The following PRTG variants were observed in gnomAD, a reference collection of about 807,000 sequenced individuals.
The protein encoded by PRTG is immunoglobulin superfamily, DCC subclass, member 5.
In PRTG, 67 loss-of-function variants were observed where a neutral mutation model predicts 122.5. The observed-to-expected ratio is 0.55, with a 90% CI of 0.45 to 0.67. The LOEUF (loss-of-function observed/expected upper bound fraction) is 0.67. Among genes scored for constraint, PRTG ranks in the 30% least tolerant of loss-of-function variants. The pLI, the probability that PRTG is intolerant of heterozygous loss-of-function variation, is 0.00. For missense variants in PRTG, 1,435 were observed against 1,415.4 expected, an observed-to-expected ratio of 1.01 and a Z score of -0.22; for synonymous variants, 554 against 501.1, an observed-to-expected ratio of 1.11 and a Z score of -1.41.
intron 2 of PRTG, among the ~76,000 whole-genome samples, chr15:55,739,368 G>A (rs1463426976): frequency 6.6e-6 from 1 of 151,476 alleles, no homozygotes; most frequent in African/African-American, 2.4e-5. Context: ...CTCAATAGCT[G>A]GGATTACAGG....
intron 2 of PRTG, among the ~76,000 whole-genome samples, chr15:55,699,113 ATAT>A (rs1477879380): frequency 6.6e-6 from 1 of 152,100 alleles, no homozygotes; most frequent in African/African-American, 2.4e-5. Flanking sequence ...GAGCTAATAG[ATAT>A]TATTTCTCTA....
chr15:55,646,271 C>G (rs933529553), intron 11 of PRTG, among the ~76,000 whole-genome samples: 4 of 151,096 alleles, frequency 2.6e-5, no homozygotes, highest in Admixed American at 2.0e-4. Flanking sequence ...CTTGGCCTCC[C>G]AAAGTGCCCG....
rs1355758005 is a variant in PRTG, at chr15:55,612,703, T to C, written c.*7309A>G. 1 of 5,430 alleles carries C rather than the reference T, an allele frequency of 1.8e-4. No homozygotes were observed. Among genetic ancestry groups the C allele is most frequent in the African/African-American group, 2.3e-4 (1 of 4,264 alleles). 0.3% of individuals were successfully genotyped at this position (5,430 alleles called of 1,614,324 possible). A position where few individuals can be genotyped will look rare whatever the true frequency, so the allele number is the denominator to read the frequency against. ...CTTTAACTCTTTAAAAGCCAATATATATATATATATATATATATATATATA... is the reference window on the plus strand; with the variant it reads ...CTTTAACTCTTTAAAAGCCAATATACATATATATATATATATATATATATA... On this transcript the variant is annotated 3_prime_UTR_variant, in exon 20 of 20. Transcript: ENST00000389286.
intron 2 of PRTG, among the ~76,000 whole-genome samples, chr15:55,714,955 AT>A (rs2030545230): frequency 6.6e-6 from 1 of 152,218 alleles, no homozygotes; most frequent in Non-Finnish European, 1.5e-5. Context: ...AGCTTTACAC[AT>A]ATACAGATAA....
chr15:55,680,436 A>C, intron 5 of PRTG, 55 bp downstream of exon 5: 1 of 1,499,152 alleles, frequency 6.7e-7, no homozygotes. Context: ...AAATTTCATT[A>C]GAATGAACAA....
intron 1 of PRTG, 105 bp downstream of exon 1, chr15:55,742,733 C>T (rs1317797385): frequency 4.3e-6 from 6 of 1,401,206 alleles, no homozygotes; most frequent in Non-Finnish European, 5.9e-6. Context: ...CCACGGAGGA[C>T]CCCGCCGCGC....
chr15:55,673,086 C>G (rs1025084631), intron 10 of PRTG, among the ~76,000 whole-genome samples: 1 of 152,058 alleles, frequency 6.6e-6, no homozygotes, highest in Admixed American at 6.6e-5. Context: ...TTAATTAGGC[C>G]TCTATGAATA....
At chr15:55,635,104 T>TGTGTG (rs773250114) in intron 15 of PRTG, among the ~76,000 whole-genome samples, 6 of 112,636 alleles carry the variant, frequency 5.3e-5, no homozygotes, top group African/African-American at 9.1e-5. Context: ...TGTGTGTGTG[T>TGTGTG]TTTTTGAGAC....
chr15:55,738,789 G>A (rs1198883194), intron 2 of PRTG: 1 of 232,918 alleles, frequency 4.3e-6, no homozygotes, highest in Admixed American at 5.8e-5. Context: ...GAGGGAGGGG[G>A]AGGAAGGTAG....
intron 2 of PRTG, among the ~76,000 whole-genome samples, chr15:55,716,849 A>G (rs1245275282): frequency 6.6e-6 from 1 of 151,714 alleles, no homozygotes; most frequent in East Asian, 1.9e-4. Context: ...GTATGTACAT[A>G]TATATATGTA....
chr15:55,739,063 T>A (rs1437095799), intron 2 of PRTG, among the ~76,000 whole-genome samples: 1 of 152,118 alleles, frequency 6.6e-6, no homozygotes, highest in African/African-American at 2.4e-5. Flanking sequence ...GATTTTCTGA[T>A]GTATCAATAT....
chr15:55,716,889 A>G (rs1271504150), intron 2 of PRTG, among the ~76,000 whole-genome samples: 6 of 152,194 alleles, frequency 3.9e-5, no homozygotes, highest in African/African-American at 7.2e-5. Flanking sequence ...CAAGCTTGAT[A>G]ATGCCTAAAA....
At position 55,627,084 on chromosome 15, in the gene PRTG, T is replaced by C. The variant is rs1186701557; in HGVS notation, c.2851A>G (p.Ile951Val). The change falls in exon 17 of 20, where the codon ATT becomes GTT. Residue 951 changes from isoleucine to valine, a missense_variant. Coordinates refer to ENST00000389286, the MANE Select transcript of PRTG (RefSeq NM_173814.6). Reference protein sequence around the residue: ...YHLDQKSMTGIAVGVGIALTC... With the variant: ...YHLDQKSMTGVAVGVGIALTC... ...AAGGCTATGCCAACACCTACAGCAA[T>C]GCCAGTCATTGATTTTTGGTCCAGA... 1 of 1,609,240 alleles carries C rather than the reference T, an allele frequency of 6.2e-7. No individual in the cohort carries two copies.
At chr15:55,635,192 A>G (rs2059251187) in intron 15 of PRTG, among the ~76,000 whole-genome samples, 1 of 152,020 alleles carries the variant, frequency 6.6e-6, no homozygotes, top group East Asian at 1.9e-4. Flanking sequence ...CCCTGGTTCA[A>G]GCAATTCTCC....
At chr15:55,736,519 C>A (rs1377807324) in intron 2 of PRTG, among the ~76,000 whole-genome samples, 3 of 152,014 alleles carry the variant, frequency 2.0e-5, no homozygotes, top group African/African-American at 7.2e-5. Flanking sequence ...ATGAATCCCA[C>A]ATAAACCCTC....
intron 10 of PRTG, among the ~76,000 whole-genome samples, chr15:55,672,887 G>A (rs1450527876): frequency 2.0e-5 from 3 of 151,700 alleles, no homozygotes; most frequent in East Asian, 3.9e-4. Context: ...TTTTTTCAAA[G>A]AGGCAATAAA....
intron 8 of PRTG, among the ~76,000 whole-genome samples, chr15:55,676,431 A>C (rs534136242): frequency 1.3e-5 from 2 of 152,296 alleles, no homozygotes; most frequent in Admixed American, 1.3e-4. Context: ...CTAACAATTC[A>C]CAGTAAACGC....
chr15:55,664,270 T>C (rs1042339788), intron 11 of PRTG, among the ~76,000 whole-genome samples: 2 of 152,080 alleles, frequency 1.3e-5, no homozygotes, highest in African/African-American at 2.4e-5. Flanking sequence ...GCCTTCCATA[T>C]AGCTGGGATT....
In PRTG at chr15:55,616,783, A is replaced by G; in HGVS notation, c.*3229T>C. The G allele has an allele frequency of 6.6e-6, 1 of 152,166 alleles. No homozygotes were observed. Among genetic ancestry groups the G allele is most frequent in the Admixed American group, 6.6e-5 (1 of 15,266 alleles). The allele number at this position is 152,166 out of a possible 1,614,324, so 9.4% of individuals were successfully genotyped here. ...CACTGATAAATACCAATATAATTGTATTGCTTTTAATTATGTAAACTTAGC... is the reference window on the plus strand; with the variant it reads ...CACTGATAAATACCAATATAATTGTGTTGCTTTTAATTATGTAAACTTAGC... On this transcript the variant is annotated 3_prime_UTR_variant, in exon 20 of 20. Coordinates refer to ENST00000389286, the MANE Select transcript of PRTG (RefSeq NM_173814.6).
Sources: allele counts gnomAD v4.1 joint callset (sites outside exome capture counted in the v4.1 genomes callset), GRCh38; gene constraint gnomAD v4.1.1; transcripts MANE v1.5; gene names NCBI Gene and HGNC (gene_info 2026-07-23, HGNC 2026-07-21).